The following WLS variants were observed in gnomAD, a reference collection of about 807,000 sequenced individuals.
The protein encoded by WLS is Wnt ligand secretion mediator.
Under a neutral mutation model 62.8 loss-of-function variants are expected in WLS, and 23 were observed. That is an observed-to-expected ratio of 0.37 (90% confidence interval 0.26 to 0.52). WLS has a LOEUF of 0.52. Ranked by LOEUF, WLS falls within the 20% of genes least tolerant of loss-of-function variation. WLS has a pLI of 0.92. For missense variants in WLS, 615 were observed against 697.3 expected, an observed-to-expected ratio of 0.88 and a Z score of 1.33; for synonymous variants, 246 against 244.1, an observed-to-expected ratio of 1.01 and a Z score of -0.07.
At chr1:68,190,227 C>T (rs1557508532) in intron 2 of WLS, among the ~76,000 whole-genome samples, 1 of 152,160 alleles carries the variant, frequency 6.6e-6, no homozygotes, top group Non-Finnish European at 1.5e-5. Flanking sequence ...TAAGTCCATG[C>T]TCTTAAAAAA....
chr1:68,162,554 C>T, intron 2 of WLS: 1 of 1,587,836 alleles, frequency 6.3e-7, no homozygotes, highest in Non-Finnish European at 8.6e-7. Flanking sequence ...AGCATTTCCC[C>T]ACGGATGCTG....
Position 68,159,140 on chromosome 1 carries a change from T to G in WLS, c.487A>C (p.Thr163Pro), listed in dbSNP as rs751303350. The stretch of plus-strand genomic sequence containing the variant: ...GGTCATACCTTGGGAGATGTGAAGG[T>G]GCATTTGAGTTTCCGTGGTACTCTT... ...HERVPRKLKC[T>P]FTSPKTPEHE... Residue 163 changes from threonine (T) to proline (P), a missense_variant, in exon 3 of 12, where the codon ACC (threonine) becomes CCC (proline). Transcript: ENST00000262348. 1 of 1,614,094 alleles carries G rather than the reference T, an allele frequency of 6.2e-7. No individual in the cohort carries two copies. The highest frequency in any genetic ancestry group is 1.7e-5 in the Admixed American group (1 of 60,012).
chr1:68,209,030 G>C (rs972090981), intron 1 of WLS, among the ~76,000 whole-genome samples: 1 of 152,116 alleles, frequency 6.6e-6, no homozygotes, highest in Admixed American at 6.5e-5. Flanking sequence ...GGCATTTTGG[G>C]TTGAATAACT....
At chr1:68,159,522 T>C (rs1646944032) in intron 2 of WLS, among the ~76,000 whole-genome samples, 2 of 152,176 alleles carry the variant, frequency 1.3e-5, no homozygotes. Context: ...GGAGCACAAA[T>C]GGTCAGACCT....
At chr1:68,143,739 T>C (rs901426185) in intron 10 of WLS, among the ~76,000 whole-genome samples, 6 of 152,200 alleles carry the variant, frequency 3.9e-5, no homozygotes, top group Admixed American at 2.6e-4. Flanking sequence ...CACATAATGA[T>C]GCGTTTCTCA....
chr1:68,231,620 C>A, intron 1 of WLS: 2 of 396,758 alleles, frequency 5.0e-6, no homozygotes, highest in South Asian at 1.8e-5. Context: ...TGGAGTGCGG[C>A]GGGAAAGCAG....
chr1:68,158,474 C>T lies in WLS; in HGVS notation c.504+649G>A, dbSNP rs112030899. Among the ~76,000 whole-genome samples the T allele has an allele frequency of 4.3e-4, 66 of 152,146 alleles. 1 individual carries two copies. The highest frequency in any genetic ancestry group is 1.3e-3 in the African/African-American group (53 of 41,506). ...TTAAATTAGAAGGTCATCCTGCCTA[C>T]GTCATTGTATCATCTAGTCCAGGGG... is the stretch of plus-strand genomic sequence containing the variant. On this transcript the variant is annotated intron_variant, in intron 3 of 11. Coordinates refer to ENST00000262348, the MANE Select transcript of WLS (RefSeq NM_024911.7).
intron 11 of WLS, chr1:68,098,863 A>G: frequency 3.5e-6 from 5 of 1,431,756 alleles, no homozygotes; most frequent in Non-Finnish European, 4.6e-6. Context: ...TTACCTACAT[A>G]AATTTCTAGT....
chr1:68,204,090 C>T lies in WLS; in HGVS notation c.107-9863G>A, dbSNP rs147804762. Among the ~76,000 whole-genome samples, 252 of 152,180 alleles carry T rather than the reference C, an allele frequency of 1.7e-3. 5 individuals are homozygous for T. In the East Asian group the frequency reaches 0.046, roughly 28 times the overall value. ...TAAAGTACAGGGCATTCTGAATGGT[C>T]AAAAATTTAGTATTGTACATTGTAA... On this transcript the variant is annotated intron_variant, in intron 1 of 11. Transcript: ENST00000262348.
chr1:68,164,952 C>T (rs1647039397), intron 2 of WLS, among the ~76,000 whole-genome samples: 1 of 152,110 alleles, frequency 6.6e-6, no homozygotes, highest in African/African-American at 2.4e-5. Flanking sequence ...TGGTATCTCC[C>T]CTTGGTCAGG....
At chr1:68,206,022 G>T (rs1649266164) in intron 1 of WLS, among the ~76,000 whole-genome samples, 1 of 152,094 alleles carries the variant, frequency 6.6e-6, no homozygotes, top group Admixed American at 6.6e-5. Flanking sequence ...TGACAGGCAG[G>T]GGCAGTTTTT....
At chr1:68,160,916 A>T (rs1263337468) in intron 2 of WLS, among the ~76,000 whole-genome samples, 1 of 152,164 alleles carries the variant, frequency 6.6e-6, no homozygotes, top group Non-Finnish European at 1.5e-5. Flanking sequence ...ATAAAATATC[A>T]CGTGAAGAAA....
intron 1 of WLS, among the ~76,000 whole-genome samples, chr1:68,200,983 A>G (rs1648981419): frequency 6.6e-6 from 1 of 152,158 alleles, no homozygotes; most frequent in Admixed American, 6.5e-5. Context: ...CCTGTTATGT[A>G]ACTACTTTTT....
At chr1:68,220,621 GGA>G (rs1649903069) in intron 1 of WLS, among the ~76,000 whole-genome samples, 1 of 152,164 alleles carries the variant, frequency 6.6e-6, no homozygotes, top group Admixed American at 6.5e-5. Flanking sequence ...CACTTTGAAT[GGA>G]GAGATCAAGT....
chr1:68,152,748 G>T (rs1343186096), intron 5 of WLS, among the ~76,000 whole-genome samples: 2 of 152,194 alleles, frequency 1.3e-5, no homozygotes, highest in African/African-American at 4.8e-5. Context: ...TCAGGGGGAA[G>T]TGGGAAATGG....
Position 68,194,313 on chromosome 1 carries a change from C to T in WLS, c.107-86G>A, listed in dbSNP as rs79869364. 3.8e-4 allele frequency: 571 copies of T among 1,489,152 alleles called. 2 individuals are homozygous for T. In the African/African-American group the frequency reaches 7.1e-3, roughly 18 times the overall value. The allele number at this position is 1,489,152 out of a possible 1,614,324, so 92.2% of individuals were successfully genotyped here. A position where few individuals can be genotyped will look rare whatever the true frequency, so the allele number is the denominator to read the frequency against. On this transcript the variant is annotated intron_variant, in intron 1 of 11. Transcript: ENST00000262348. ...TAATATTCTTTCCACTGCTGTGTTC[C>T]CTCCAGCTTTTGTATCGCCTTCTAC... is the stretch of plus-strand genomic sequence containing the variant.
At chr1:68,174,468 T>C (rs917000269) in intron 2 of WLS, among the ~76,000 whole-genome samples, 1 of 152,052 alleles carries the variant, frequency 6.6e-6, no homozygotes, top group Non-Finnish European at 1.5e-5. Context: ...CCACCCGGGG[T>C]TCCAGATAAT....
intron 1 of WLS, among the ~76,000 whole-genome samples, chr1:68,222,208 C>T (rs947964688): frequency 2.0e-5 from 3 of 152,096 alleles, no homozygotes; most frequent in African/African-American, 4.8e-5. Context: ...GACTATACTG[C>T]GTGGTTTTGG....
chr1:68,231,274 G>A (rs995465384), intron 1 of WLS, among the ~76,000 whole-genome samples: 58 of 152,288 alleles, frequency 3.8e-4, no homozygotes, highest in African/African-American at 1.2e-3. Flanking sequence ...GGTCCGGGAG[G>A]TGCACGCCAG....
Sources: allele counts gnomAD v4.1 joint callset (sites outside exome capture counted in the v4.1 genomes callset), GRCh38; gene constraint gnomAD v4.1.1; transcripts MANE v1.5; gene names NCBI Gene and HGNC (gene_info 2026-07-23, HGNC 2026-07-21).